IL1RAPL1: variants seen among roughly 807,000 people sequenced by gnomAD.
IL1RAPL1 encodes interleukin-1 receptor accessory protein-like 1.
Under a neutral mutation model 48.4 loss-of-function variants are expected in IL1RAPL1, and 3 were observed. The observed-to-expected ratio is 0.06, with a 90% CI of 0.03 to 0.16. The LOEUF is 0.16. IL1RAPL1 is among the 10% of genes least tolerant of loss of function. The pLI is 1.00. For missense variants in IL1RAPL1, 349 were observed against 530.6 expected, an observed-to-expected ratio of 0.66 and a Z score of 3.36; for synonymous variants, 185 against 187.7, an observed-to-expected ratio of 0.99 and a Z score of 0.12.
chrX:29,130,858 C>G (rs1321260882), intron 2 of IL1RAPL1, among the ~76,000 whole-genome samples: 1 of 112,192 alleles, frequency 8.9e-6, no homozygotes, highest in Non-Finnish European at 1.9e-5. Context: ...CCTGGCTAAC[C>G]ATGTTTTAAA....
chrX:29,877,896 T>A (rs146876945), intron 6 of IL1RAPL1, among the ~76,000 whole-genome samples: 1,198 of 112,314 alleles, frequency 0.011, 12 homozygotes, highest in African/African-American at 0.035. Context: ...CTGAATCACT[T>A]TGACTTGTAT....
chrX:29,841,710 A>G (rs967694480), intron 6 of IL1RAPL1, among the ~76,000 whole-genome samples: 4 of 111,542 alleles, frequency 3.6e-5, no homozygotes, highest in African/African-American at 1.3e-4. Flanking sequence ...GGTTACTCAG[A>G]ACAATCGAGT....
intron 5 of IL1RAPL1, among the ~76,000 whole-genome samples, chrX:29,510,351 A>G (rs775786655): frequency 1.2e-4 from 13 of 112,264 alleles, no homozygotes; most frequent in Non-Finnish European, 2.4e-4. Flanking sequence ...AAACAGAGGT[A>G]CAAACACTAA....
intron 2 of IL1RAPL1, among the ~76,000 whole-genome samples, chrX:28,866,272 C>A (rs1312427088): frequency 8.9e-6 from 1 of 111,771 alleles, no homozygotes; most frequent in African/African-American, 3.3e-5. Flanking sequence ...CAAAGTAATT[C>A]AGAATGGAAA....
At chrX:29,321,766 T>C (rs1453658443) in intron 3 of IL1RAPL1, among the ~76,000 whole-genome samples, 2 of 111,664 alleles carry the variant, frequency 1.8e-5, no homozygotes, top group Admixed American at 1.9e-4. Context: ...TTGGCAACTT[T>C]TCTATGTGCA....
chrX:28,899,551 C>A (rs1337296075), intron 2 of IL1RAPL1, among the ~76,000 whole-genome samples: 1 of 112,328 alleles, frequency 8.9e-6, no homozygotes, highest in Non-Finnish European at 1.9e-5. Flanking sequence ...TTTCACCTGT[C>A]TGACAACTGG....
At chrX:29,771,926 G>A (rs1929076117) in intron 6 of IL1RAPL1, among the ~76,000 whole-genome samples, 1 of 111,249 alleles carries the variant, frequency 9.0e-6, no homozygotes, top group Non-Finnish European at 1.9e-5. Context: ...ATGGCAGCAG[G>A]CAAGAGAGAG....
chrX:28,801,124 C>G (rs1183126062), intron 2 of IL1RAPL1, among the ~76,000 whole-genome samples: 2 of 109,974 alleles, frequency 1.8e-5, no homozygotes, highest in African/African-American at 6.6e-5. Flanking sequence ...TCGTAATCCG[C>G]CCCTGCTTGG....
chrX:29,571,981 C>T (rs1304914323), intron 5 of IL1RAPL1, among the ~76,000 whole-genome samples: 1 of 111,969 alleles, frequency 8.9e-6, no homozygotes, highest in Non-Finnish European at 1.9e-5. Context: ...TTAAGGTCCT[C>T]CCAGGGTCTT....
At chrX:28,937,121 C>G (rs1924036489) in intron 2 of IL1RAPL1, among the ~76,000 whole-genome samples, 1 of 111,123 alleles carries the variant, frequency 9.0e-6, no homozygotes. Context: ...TGTCATGTCA[C>G]TTGAAAGATA....
At chrX:29,524,682 A>G (rs1935535504) in intron 5 of IL1RAPL1, among the ~76,000 whole-genome samples, 2 of 112,166 alleles carry the variant, frequency 1.8e-5, no homozygotes, top group African/African-American at 6.5e-5. Flanking sequence ...AGTGTCTTCA[A>G]ACTTCAAAAA....
At chrX:29,548,048 T>C (rs952208907) in intron 5 of IL1RAPL1, among the ~76,000 whole-genome samples, 6 of 112,459 alleles carry the variant, frequency 5.3e-5, no homozygotes, top group African/African-American at 1.9e-4. Context: ...CCTTCTACAG[T>C]CTTCAGCTAT....
intron 2 of IL1RAPL1, among the ~76,000 whole-genome samples, chrX:28,811,545 G>T (rs759901159): frequency 9.0e-6 from 1 of 110,825 alleles, no homozygotes; most frequent in South Asian, 3.7e-4. Context: ...AGACCCACAT[G>T]GTCAGATAAA....
intron 6 of IL1RAPL1, among the ~76,000 whole-genome samples, chrX:29,767,895 C>T (rs1368902279): frequency 1.8e-5 from 2 of 110,443 alleles, no homozygotes; most frequent in African/African-American, 6.6e-5. Flanking sequence ...ATCTTGAATT[C>T]GATAATCACA....
At chrX:28,702,310 A>C (rs182948165) in intron 1 of IL1RAPL1, among the ~76,000 whole-genome samples, 20 of 112,103 alleles carry the variant, frequency 1.8e-4, no homozygotes, top group Admixed American at 6.7e-4. Flanking sequence ...TGTATTCATA[A>C]ATTGTATATA....
At chrX:29,554,560 A>G (rs189365967) in intron 5 of IL1RAPL1, among the ~76,000 whole-genome samples, 59 of 111,554 alleles carry the variant, frequency 5.3e-4, no homozygotes, top group African/African-American at 1.9e-3. Flanking sequence ...ACTGCTAGCC[A>G]TGTCCTTCAA....
chrX:29,631,532 C>G (rs779574759), intron 5 of IL1RAPL1, among the ~76,000 whole-genome samples: 2 of 112,276 alleles, frequency 1.8e-5, no homozygotes, highest in African/African-American at 6.5e-5. Flanking sequence ...CTGCCTGCCT[C>G]GGCCCCCACA....
At position 29,836,923 on chromosome X, in the gene IL1RAPL1, C is replaced by A. The variant is rs141082622; in HGVS notation, c.779-80541C>A. 4.5e-3 allele frequency among the ~76,000 whole-genome samples: 499 copies of A among 109,906 alleles called. 3 individuals are homozygous for A. Among genetic ancestry groups the A allele is most frequent in the African/African-American group, 0.015 (463 of 30,164 alleles). ...GAACCCAGGAAGTCAGGTTTTAGTG[C>A]CTATTGTTATCAACATATCATGCTG... On this transcript the variant is annotated intron_variant, in intron 6 of 10. Transcript: ENST00000378993.
At chrX:29,674,876 A>G in intron 6 of IL1RAPL1, among the ~76,000 whole-genome samples, 1 of 112,024 alleles carries the variant, frequency 8.9e-6, no homozygotes, top group Non-Finnish European at 1.9e-5. Context: ...AGCTCCATCC[A>G]TGTTCCTGCA....
Sources: gnomAD v4.1 joint callset for allele counts (sites outside exome capture counted in the v4.1 genomes callset) on GRCh38, gnomAD v4.1.1 for gene constraint, MANE v1.5 for transcripts, NCBI Gene and HGNC (gene_info 2026-07-23, HGNC 2026-07-21) for gene names.